Variants in CORIN observed in about 807,000 individuals in gnomAD.
The protein encoded by CORIN is corin, serine peptidase, also known as atrial natriuretic peptide-converting enzyme.
Under a neutral mutation model 125.3 loss-of-function variants are expected in CORIN, and 117 were observed. The observed-to-expected ratio is 0.93, with a 90% CI of 0.80 to 1.09. CORIN has a LOEUF of 1.09. CORIN is among the 50% of genes least tolerant of loss of function. The pLI is 0.00. For missense variants in CORIN, 1,253 were observed against 1,306.7 expected (o/e 0.96, Z 0.63); for synonymous variants, 450 against 466.4 (o/e 0.96, Z 0.45).
intron 4 of CORIN, among the ~76,000 whole-genome samples, chr4:47,757,086 A>C (rs1037518053): frequency 2.0e-5 from 3 of 152,194 alleles, no homozygotes; most frequent in Non-Finnish European, 4.4e-5. Flanking sequence ...GCAAATCTTC[A>C]TTATTTGGTT....
At chr4:47,617,858 G>A (rs4464540) in intron 19 of CORIN, among the ~76,000 whole-genome samples, 40,943 of 152,014 alleles carry the variant, frequency 0.27, 5,663 homozygotes, top group Admixed American at 0.35. Flanking sequence ...TGACAGAGCA[G>A]GGCAGGTGGG....
Position 47,837,923 on chromosome 4 carries a change from C to T in CORIN, c.27G>A (p.Pro9=), listed in dbSNP as rs1733545627. 6 of 1,613,664 alleles carry T rather than the reference C, an allele frequency of 3.7e-6. No homozygotes were observed. The highest frequency in any genetic ancestry group is 4.5e-5 in the East Asian group (2 of 44,876). The change falls in exon 1 of 22, where the codon CCG becomes CCA. Residue 9 remains proline (P), a synonymous_variant. Transcript: ENST00000273857. ...ACCCGGCTCTGCGGCAGCGCTCTTC[C>T]GGAGCGAGGGCAGGAGACTGTTTCA... The part of the protein sequence containing the change: MKQSPALA[P]EERCRRAGSP...
intron 4 of CORIN, among the ~76,000 whole-genome samples, chr4:47,761,262 A>G (rs1381883275): frequency 1.3e-5 from 2 of 152,136 alleles, no homozygotes; most frequent in Non-Finnish European, 2.9e-5. Flanking sequence ...AAACTTAATC[A>G]TCTCTAGCTT....
At chr4:47,836,044 T>C (rs981948251) in intron 1 of CORIN, among the ~76,000 whole-genome samples, 1 of 152,128 alleles carries the variant, frequency 6.6e-6, no homozygotes, top group Admixed American at 6.6e-5. Context: ...GGTTTTGAGG[T>C]TGATGTGTTT....
chr4:47,724,897 T>C (rs2109803861), intron 5 of CORIN, among the ~76,000 whole-genome samples: 1 of 152,264 alleles, frequency 6.6e-6, no homozygotes, highest in Admixed American at 6.5e-5. Flanking sequence ...TGCAACATCA[T>C]ATTCAGTTCA....
chr4:47,752,099 T>C (rs1361592892), intron 4 of CORIN, among the ~76,000 whole-genome samples: 4 of 152,148 alleles, frequency 2.6e-5, no homozygotes, highest in Middle Eastern at 3.2e-3. Flanking sequence ...TTCCAGATCC[T>C]CATGGATCAA....
At chr4:47,696,465 A>AC (rs1726010720) in intron 5 of CORIN, among the ~76,000 whole-genome samples, 1 of 143,616 alleles carries the variant, frequency 7.0e-6, no homozygotes, top group South Asian at 2.1e-4. Context: ...AGAAGAAAAC[A>AC]AAAAAAAATC....
rs191380475 is a variant in CORIN at position 47,657,341 on chromosome 4, G to C, written c.1736-3681C>G. 3.0e-4 allele frequency among the ~76,000 whole-genome samples: 46 copies of C among 151,984 alleles called. No individual in the cohort carries two copies. The Middle Eastern group carries it at 0.01, about 34-fold the overall frequency. ...GAGGTCAGGAGATCAAGACCATCCT[G>C]GCTAACACAGTAAAACCCCATCTCT... On this transcript the variant is annotated intron_variant, in intron 12 of 21. Transcript: ENST00000273857.
intron 2 of CORIN, among the ~76,000 whole-genome samples, chr4:47,803,031 T>C (rs911997520): frequency 1.4e-4 from 21 of 152,172 alleles, no homozygotes; most frequent in African/African-American, 4.8e-4. Flanking sequence ...TACCTTTCTC[T>C]AGAAGTCTTC....
At chr4:47,776,069 G>C (rs1730285566) in intron 3 of CORIN, among the ~76,000 whole-genome samples, 1 of 150,944 alleles carries the variant, frequency 6.6e-6, no homozygotes, top group African/African-American at 2.4e-5. Flanking sequence ...GCCCAGGCTG[G>C]AGTGCAATGG....
At chr4:47,597,285 G>A (rs2109496713) in intron 21 of CORIN, among the ~76,000 whole-genome samples, 1 of 151,034 alleles carries the variant, frequency 6.6e-6, no homozygotes, top group African/African-American at 2.4e-5. Flanking sequence ...CCAGGAGTTG[G>A]AGGTTGCAGT....
chr4:47,602,476 T>C (rs6817366), intron 20 of CORIN, among the ~76,000 whole-genome samples: 16,969 of 152,178 alleles, frequency 0.11, 1,381 homozygotes, highest in East Asian at 0.47. Flanking sequence ...TCTTGAAGGA[T>C]TTATAGTTTG....
chr4:47,721,282 T>C (rs113663508), intron 5 of CORIN, among the ~76,000 whole-genome samples: 129 of 151,990 alleles, frequency 8.5e-4, no homozygotes, highest in African/African-American at 3.0e-3. Context: ...TTCTTTTTTT[T>C]TTTTTGAGAC....
intron 3 of CORIN, among the ~76,000 whole-genome samples, chr4:47,785,913 A>C (rs80202454): frequency 0.017 from 2,560 of 150,544 alleles, 28 homozygotes; most frequent in Middle Eastern, 0.034. Context: ...CCATCTCAAA[A>C]AAAAAAAAAA....
At chr4:47,748,936 T>G (rs570317821) in intron 4 of CORIN, among the ~76,000 whole-genome samples, 2 of 152,296 alleles carry the variant, frequency 1.3e-5, no homozygotes, top group Non-Finnish European at 2.9e-5. Flanking sequence ...AGCATAATTA[T>G]TAGAACCAGG....
At chr4:47,727,934 A>G (rs767441585) in intron 5 of CORIN, among the ~76,000 whole-genome samples, 3 of 152,178 alleles carry the variant, frequency 2.0e-5, no homozygotes, top group Non-Finnish European at 2.9e-5. Flanking sequence ...GTACACAGCA[A>G]AAATATTTGG....
chr4:47,721,815 CTG>C (rs780153649), intron 5 of CORIN, among the ~76,000 whole-genome samples: 5 of 152,178 alleles, frequency 3.3e-5, no homozygotes, highest in Non-Finnish European at 7.3e-5. Flanking sequence ...TATGATAACA[CTG>C]TTATTATTAA....
intron 4 of CORIN, among the ~76,000 whole-genome samples, chr4:47,752,593 T>C (rs1321420347): frequency 6.6e-6 from 1 of 152,184 alleles, no homozygotes; most frequent in Non-Finnish European, 1.5e-5. Context: ...AAGAGTTAAA[T>C]GTCAGTAAAA....
At chr4:47,831,551 A>G (rs968256119) in intron 1 of CORIN, 1 of 152,278 alleles carries the variant, frequency 6.6e-6, no homozygotes, top group Non-Finnish European at 1.5e-5. Flanking sequence ...GAAAGCGCTC[A>G]TTAGCAGAAC....
Sources: allele counts gnomAD v4.1 joint callset (sites outside exome capture counted in the v4.1 genomes callset), GRCh38; gene constraint gnomAD v4.1.1; transcripts MANE v1.5; gene names NCBI Gene and HGNC (gene_info 2026-07-23, HGNC 2026-07-21).